Variants in KANSL3 observed in about 807,000 individuals in gnomAD.
KANSL3 encodes KAT8 regulatory NSL complex subunit 3, also known as NSL complex protein NSL3.
KANSL3 carries 16 observed loss-of-function variants against 89.2 expected under a neutral mutation model. The ratio of observed to expected loss-of-function variants is 0.18; its 90% CI spans 0.12 to 0.27. The LOEUF (loss-of-function observed/expected upper bound fraction) is 0.27, where lower values mean the gene tolerates loss of function less well. KANSL3 is among the 10% of genes least tolerant of loss of function. The pLI, the probability that KANSL3 is intolerant of heterozygous loss-of-function variation, is 1.00. For synonymous variants in KANSL3, 385 were observed against 419.7 expected, an observed-to-expected ratio of 0.92 and a Z score of 1.01; for missense variants, 879 against 1,110.6, an observed-to-expected ratio of 0.79 and a Z score of 2.96.
At chr2:96,612,671 A>G (rs905280237) in intron 7 of KANSL3, 108 bp from the exon 8 acceptor site, 1 of 1,147,366 alleles carries the variant, frequency 8.7e-7, no homozygotes, top group Non-Finnish European at 1.3e-6. Flanking sequence ...TGAAAGAAGG[A>G]TTAGAGGAGG....
chr2:96,591,729 C>T (rs2066278292), downstream of KANSL3, among the ~76,000 whole-genome samples: 1 of 152,152 alleles, frequency 6.6e-6, no homozygotes, highest in African/African-American at 2.4e-5. Context: ...GCCAATCAGG[C>T]TGTCTTCAGA....
chr2:96,599,464 G>A (rs945558915), intron 20 of KANSL3, among the ~76,000 whole-genome samples: 3 of 152,072 alleles, frequency 2.0e-5, no homozygotes, highest in Non-Finnish European at 4.4e-5. Flanking sequence ...AAACAAAAAG[G>A]ATTACTTTTA....
At position 96,609,520 on chromosome 2, in the gene KANSL3, G is replaced by A. The variant is rs3795992; in HGVS notation, c.1362C>T (p.Ser454=). Residue 454 remains serine (S), a synonymous_variant, in exon 12 of 21, where the codon AGC becomes AGT. Transcript: ENST00000431828. ...AKKKSEGLTQ[S]MVDRCIQDEI... is the part of the protein sequence containing the mutation. ...TTACCTGAATACATCTGTCCACCAT[G>A]CTCTGAGTCAACCCTTCTGATTTCT... The A allele has an allele frequency of 5.9e-5, 95 of 1,613,882 alleles. No individual in the cohort carries two copies. In the East Asian group the frequency reaches 2.0e-3, roughly 34 times the overall value.
At chr2:96,592,778 C>T (rs138025989), downstream of KANSL3, among the ~76,000 whole-genome samples, 230 of 151,934 alleles carry the variant, frequency 1.5e-3, 1 homozygote, top group African/African-American at 5.2e-3. Context: ...CTGAGGCGGG[C>T]GGATCACAAG....
chr2:96,600,987 C>T (rs1313841657), intron 20 of KANSL3: 4 of 727,088 alleles, frequency 5.5e-6, no homozygotes, highest in Non-Finnish European at 6.7e-6. Context: ...GTCTCCATGT[C>T]CTTAAAAACA....
chr2:96,609,209 G>A (rs529999905), intron 12 of KANSL3, 145 bp from the exon 13 acceptor site: 19 of 805,056 alleles, frequency 2.4e-5, no homozygotes, highest in South Asian at 1.1e-4. Context: ...AAGGTCTGGC[G>A]CAAATCCCAG....
At chr2:96,622,543 G>A (rs772512138) in intron 3 of KANSL3, among the ~76,000 whole-genome samples, 2 of 152,160 alleles carry the variant, frequency 1.3e-5, no homozygotes, top group African/African-American at 4.8e-5. Context: ...GTATTCTGTT[G>A]ATGGAAATAT....
At chr2:96,605,532 G>A in intron 14 of KANSL3, 21 bp from the exon 15 acceptor site, 1 of 1,600,262 alleles carries the variant, frequency 6.2e-7, no homozygotes, top group Non-Finnish European at 8.6e-7. Context: ...GAGCTGAGTT[G>A]AGATCCTCCA....
chr2:96,610,705 G>A (rs2068779835), intron 11 of KANSL3, 21 bp downstream of exon 11: 2 of 1,612,512 alleles, frequency 1.2e-6, no homozygotes, highest in South Asian at 1.1e-5. Context: ...CTCTCTTGCA[G>A]CTCTGGGAGA....
intron 5 of KANSL3, among the ~76,000 whole-genome samples, 179 bp downstream of exon 5, chr2:96,619,180 G>A (rs12329128): frequency 0.29 from 44,600 of 152,112 alleles, 7,017 homozygotes; most frequent in Non-Finnish European, 0.36. Flanking sequence ...GGCTGAAAAC[G>A]TTTACACCAG....
At chr2:96,600,013 C>T (rs2066955767) in intron 20 of KANSL3, among the ~76,000 whole-genome samples, 1 of 152,152 alleles carries the variant, frequency 6.6e-6, no homozygotes, top group South Asian at 2.1e-4. Flanking sequence ...AACAAGTGTT[C>T]ACCAGAGCAT....
intron 7 of KANSL3, 55 bp from the exon 8 acceptor site, chr2:96,612,618 T>C (rs1419026592): frequency 6.7e-7 from 1 of 1,486,696 alleles, no homozygotes; most frequent in Non-Finnish European, 9.3e-7. Flanking sequence ...AATCTTTCAA[T>C]TCTGTTTAAC....
At position 96,633,039 on chromosome 2, in the gene KANSL3, G is replaced by A. The variant is rs565907606; in HGVS notation, c.216-1557C>T. Among the ~76,000 whole-genome samples the A allele has an allele frequency of 5.3e-5, 8 of 151,878 alleles. No individual in the cohort carries two copies. The South Asian group carries it at 1.7e-3, about 32-fold the overall frequency. On this transcript the variant is annotated intron_variant, in intron 2 of 20. Coordinates refer to ENST00000431828, the MANE Select transcript of KANSL3 (RefSeq NM_001115016.3). ...CTCAGGCTTGTAATCCCAGCACTTT[G>A]GGAGGCCAAGGTGGGCAGAACACTT...
At chr2:96,599,585 ATAAAAGT>A (rs2066891252) in intron 20 of KANSL3, 3 of 158,882 alleles carry the variant, frequency 1.9e-5, no homozygotes, top group African/African-American at 7.2e-5. Flanking sequence ...TGATCTAGAA[ATAAAAGT>A]TAAAAGACTG....
intron 9 of KANSL3, among the ~76,000 whole-genome samples, chr2:96,612,017 C>T (rs1316324019): frequency 3.3e-5 from 5 of 150,948 alleles, no homozygotes; most frequent in African/African-American, 9.8e-5. Flanking sequence ...TGAGATGAAA[C>T]AAGCCCAGCC....
At chr2:96,613,948 A>T (rs772474829) in intron 5 of KANSL3, among the ~76,000 whole-genome samples, 4 of 152,186 alleles carry the variant, frequency 2.6e-5, no homozygotes, top group Non-Finnish European at 5.9e-5. Context: ...ACACAAAAGG[A>T]TGGGGACAAT....
intron 20 of KANSL3, 95 bp downstream of exon 20, chr2:96,601,548 C>G (rs754065251): frequency 6.7e-6 from 10 of 1,492,440 alleles, no homozygotes; most frequent in Non-Finnish European, 8.9e-6. Context: ...TCTCGTCTGT[C>G]CAGTGCATGG....
At position 96,608,612 on chromosome 2, in the gene KANSL3, G is replaced by C; in HGVS notation, c.1637C>G (p.Thr546Ser). The change falls in exon 14 of 21, where the codon ACC (threonine) becomes AGC (serine). Residue 546 changes from threonine (T) to serine (S), a missense_variant. Transcript: ENST00000431828. ...SPTSSPKTKV[T>S]TVTSAQKSSQ... The stretch of plus-strand genomic sequence containing the variant: ...GGACTTCTGGGCAGAGGTCACTGTG[G>C]TCACTTTGGTCTTGGGACTGGAGGT... The C allele has an allele frequency of 6.2e-7, 1 of 1,614,002 alleles. No individual in the cohort carries two copies. Among genetic ancestry groups the C allele is most frequent in the Non-Finnish European group, 8.5e-7 (1 of 1,179,894 alleles).
In KANSL3 at chr2:96,595,649, G is replaced by T; in HGVS notation, c.2617-18C>A. Reference sequence around the variant, plus strand: ...GGCAGGCGCTGTGGCAGGAGAGGTAGTGAAGAAGGGTCAAAGCTTTGACAG... The same window carrying T: ...GGCAGGCGCTGTGGCAGGAGAGGTATTGAAGAAGGGTCAAAGCTTTGACAG... On this transcript the variant is annotated intron_variant, in intron 20 of 20. Transcript: ENST00000431828. 1 of 1,613,530 alleles carries T rather than the reference G, an allele frequency of 6.2e-7. No homozygotes were observed. The highest frequency in any genetic ancestry group is 1.7e-5 in the Admixed American group (1 of 59,970).
Sources: gnomAD v4.1 joint callset for allele counts (sites outside exome capture counted in the v4.1 genomes callset) on GRCh38, gnomAD v4.1.1 for gene constraint, MANE v1.5 for transcripts, NCBI Gene and HGNC (gene_info 2026-07-23, HGNC 2026-07-21) for gene names.